Variants in USP32 observed in about 807,000 individuals in gnomAD.
USP32 encodes the protein ubiquitin specific peptidase 32.
USP32 carries 59 observed loss-of-function variants against 204.8 expected under a neutral mutation model. The ratio of observed to expected loss-of-function variants is 0.29; its 90% CI spans 0.23 to 0.36. The LOEUF (loss-of-function observed/expected upper bound fraction) is 0.36. Ranked by LOEUF, USP32 falls within the 10% of genes least tolerant of loss-of-function variation. The pLI is 1.00. For synonymous variants in USP32, 517 were observed against 678.4 expected (o/e 0.76, Z 3.70); for missense variants, 1,160 against 1,946.4 (o/e 0.60, Z 7.60).
chr17:60,341,226 TG>T (rs2145992330), intron 2 of USP32, among the ~76,000 whole-genome samples: 1 of 152,334 alleles, frequency 6.6e-6, no homozygotes, highest in East Asian at 1.9e-4. Flanking sequence ...CTTGCTAGGT[TG>T]GGGAAGTTCT....
intron 2 of USP32, among the ~76,000 whole-genome samples, chr17:60,318,813 C>T (rs1236433644): frequency 6.6e-6 from 1 of 152,224 alleles, no homozygotes; most frequent in East Asian, 1.9e-4. Flanking sequence ...GATACAAAAA[C>T]GGTAACCTTG....
chr17:60,306,516 T>C (rs2087727523), intron 2 of USP32, among the ~76,000 whole-genome samples: 1 of 151,928 alleles, frequency 6.6e-6, no homozygotes, highest in South Asian at 2.1e-4. Context: ...TGGGCGCCTA[T>C]AATCCCAGCT....
At chr17:60,320,477 C>A (rs989288800) in intron 2 of USP32, among the ~76,000 whole-genome samples, 4 of 152,176 alleles carry the variant, frequency 2.6e-5, no homozygotes, top group Non-Finnish European at 5.9e-5. Context: ...ACGCAGACAT[C>A]CACACTCACT....
chr17:60,237,815 G>A (rs1317316975), intron 11 of USP32, among the ~76,000 whole-genome samples: 2 of 152,168 alleles, frequency 1.3e-5, no homozygotes, highest in Middle Eastern at 3.4e-3. Flanking sequence ...ACTACATCTC[G>A]TTTAACCATT....
intron 1 of USP32, among the ~76,000 whole-genome samples, chr17:60,371,922 A>C (rs2089449924): frequency 6.6e-6 from 1 of 152,202 alleles, no homozygotes; most frequent in South Asian, 2.1e-4. Context: ...GAAAACAAAC[A>C]TTGTGCTAGA....
At chr17:60,206,836 C>T (rs2084840109) in intron 25 of USP32, among the ~76,000 whole-genome samples, 185 bp downstream of exon 25, 1 of 152,056 alleles carries the variant, frequency 6.6e-6, no homozygotes, top group Non-Finnish European at 1.5e-5. Context: ...TAACTGAAGT[C>T]ACTTGGGTTC....
chr17:60,186,548 AT>A (rs2084255611), intron 29 of USP32, among the ~76,000 whole-genome samples: 1 of 152,228 alleles, frequency 6.6e-6, no homozygotes, highest in South Asian at 2.1e-4. Context: ...CTCCTCCCTC[AT>A]GGGGCCTTTT....
chr17:60,249,414 T>C (rs1321437265), intron 11 of USP32: 1 of 297,144 alleles, frequency 3.4e-6, no homozygotes, highest in Non-Finnish European at 6.2e-6. Flanking sequence ...AGGCTCACTA[T>C]GGTGATCCTG....
At chr17:60,347,519 A>G (rs976822247) in intron 1 of USP32, among the ~76,000 whole-genome samples, 11 of 151,172 alleles carry the variant, frequency 7.3e-5, no homozygotes, top group Non-Finnish European at 1.5e-4. Context: ...ACGCCCAGCT[A>G]ATTTTTTGTA....
chr17:60,293,807 T>A (rs1334508819), intron 4 of USP32, among the ~76,000 whole-genome samples: 1 of 152,178 alleles, frequency 6.6e-6, no homozygotes, highest in Non-Finnish European at 1.5e-5. Context: ...AGGACTGTCA[T>A]ACTGGTGAAA....
At chr17:60,254,989 C>A (rs999760584) in intron 10 of USP32, among the ~76,000 whole-genome samples, 186 bp downstream of exon 10, 1 of 151,604 alleles carries the variant, frequency 6.6e-6, no homozygotes. Flanking sequence ...TCCTATTTCC[C>A]ACGTCACGAT....
Position 60,205,486 on chromosome 17 carries a change from G to A in USP32, c.3210C>T (p.Ser1070=). Residue 1070 remains serine (S), a synonymous_variant, in exon 26 of 34, where the codon AGC becomes AGT. Coordinates refer to ENST00000300896, the MANE Select transcript of USP32 (RefSeq NM_032582.4). ...VNGHMPSLPD[S]PFTGYIIAVH... The stretch of plus-strand genomic sequence containing the variant: ...CTGCAATGATGTAACCTGTAAAGGG[G>A]CTGTCAGGAAGAGATGGCATGTGAC... The A allele has an allele frequency of 6.2e-7, 1 of 1,613,374 alleles. No homozygotes were observed. The highest frequency in any genetic ancestry group is 8.5e-7 in the Non-Finnish European group (1 of 1,179,394).
intron 28 of USP32, among the ~76,000 whole-genome samples, chr17:60,192,163 C>T (rs2084400651): frequency 6.6e-6 from 1 of 151,914 alleles, no homozygotes. Flanking sequence ...CAGTGGTGTG[C>T]ACCTGTAGTC....
chr17:60,211,634 T>C, intron 19 of USP32, 120 bp from the exon 20 acceptor site: 4 of 1,421,942 alleles, frequency 2.8e-6, no homozygotes, highest in Non-Finnish European at 3.7e-6. Context: ...ATGGTGCTAA[T>C]AATTCTCTAG....
intron 5 of USP32, 73 bp from the exon 6 acceptor site, chr17:60,271,554 A>G (rs1218382401): frequency 2.7e-6 from 4 of 1,472,190 alleles, no homozygotes; most frequent in Non-Finnish European, 2.8e-6. Context: ...TCCTGATAAT[A>G]TATCTTCCAC....
chr17:60,345,890 G>A (rs759948291), intron 1 of USP32, among the ~76,000 whole-genome samples: 1 of 151,968 alleles, frequency 6.6e-6, no homozygotes, highest in Non-Finnish European at 1.5e-5. Context: ...GCTGAGACAC[G>A]ATAATCACTT....
At chr17:60,182,779 A>T (rs1039528676) in intron 31 of USP32, among the ~76,000 whole-genome samples, 3 of 151,774 alleles carry the variant, frequency 2.0e-5, no homozygotes, top group African/African-American at 7.3e-5. Flanking sequence ...AAAAAAATAA[A>T]AAATAAAATA....
At position 60,181,644 on chromosome 17, in the gene USP32, G is replaced by A. The variant is rs766484275; in HGVS notation, c.4228C>T (p.Arg1410Trp). ...RTLGRSKGRL[R>W]LPQIGSKNKL... ...TTTTTGCTGCCAATCTGGGGCAGCC[G>A]GAGCCTCCCTTTGCTCCTCCCCAAA... Residue 1410 changes from arginine (R) to tryptophan (W), a missense_variant, in exon 32 of 34, where the codon CGG (arginine) becomes TGG (tryptophan). Physicochemically the swap from Arg to Trp is moderately radical, Grantham distance 101 (BLOSUM62 -3). Coordinates refer to ENST00000300896, the MANE Select transcript of USP32 (RefSeq NM_032582.4). 6.8e-6 allele frequency: 11 copies of A among 1,613,666 alleles called. No individual in the cohort carries two copies. Among genetic ancestry groups the A allele is most frequent in the African/African-American group, 5.3e-5 (4 of 74,912 alleles).
At chr17:60,182,024 T>C (rs2084125082) in intron 31 of USP32, among the ~76,000 whole-genome samples, 1 of 152,204 alleles carries the variant, frequency 6.6e-6, no homozygotes, top group South Asian at 2.1e-4. Context: ...TCAGATTCAG[T>C]TGAAAAAAAT....
Sources: gnomAD v4.1 joint callset for allele counts (sites outside exome capture counted in the v4.1 genomes callset) on GRCh38, gnomAD v4.1.1 for gene constraint, MANE v1.5 for transcripts, NCBI Gene and HGNC (gene_info 2026-07-23, HGNC 2026-07-21) for gene names.